SCAI: variants seen among roughly 807,000 people sequenced by gnomAD.
SCAI encodes suppressor of cancer cell invasion.
A neutral mutation model predicts 92.2 loss-of-function variants in SCAI; 24 were observed. The observed-to-expected ratio is 0.26, with a 90% CI of 0.19 to 0.37. SCAI has a LOEUF of 0.37. Among genes scored for constraint, SCAI ranks in the 10% least tolerant of loss-of-function variants. The probability of loss-of-function intolerance (pLI) is 1.00; values close to 1 mark genes in which losing one functional copy is unlikely to be tolerated. For missense variants in SCAI, 450 were observed against 736.2 expected (o/e 0.61, Z 4.50); for synonymous variants, 261 against 258.6 (o/e 1.01, Z -0.09).
intron 2 of SCAI, among the ~76,000 whole-genome samples, chr9:125,140,884 A>G (rs1169696959): frequency 6.6e-6 from 1 of 151,974 alleles, no homozygotes; most frequent in Admixed American, 6.6e-5. Context: ...TATTTACTCC[A>G]ATATACCTAA....
At chr9:124,981,565 G>C (rs558342287) in intron 14 of SCAI, among the ~76,000 whole-genome samples, 12 of 152,222 alleles carry the variant, frequency 7.9e-5, no homozygotes, top group African/African-American at 2.4e-4. Flanking sequence ...TTAAGAACAC[G>C]TGATGAGTGT....
At chr9:125,041,098 T>G (rs1833311103) in intron 3 of SCAI, among the ~76,000 whole-genome samples, 1 of 152,220 alleles carries the variant, frequency 6.6e-6, no homozygotes, top group Non-Finnish European at 1.5e-5. Flanking sequence ...CAAAATATTT[T>G]CCTACCTGAA....
At chr9:124,983,160 CT>C (rs1490529730) in intron 14 of SCAI, among the ~76,000 whole-genome samples, 5 of 111,600 alleles carry the variant, frequency 4.5e-5, no homozygotes, top group African/African-American at 6.9e-5. Context: ...AAACCTGTCT[CT>C]TAAAAAAAAA....
intron 17 of SCAI, among the ~76,000 whole-genome samples, chr9:124,955,636 A>T (rs1220751184): frequency 3.9e-5 from 6 of 152,110 alleles, no homozygotes; most frequent in African/African-American, 1.2e-4. Context: ...AAATTTTTTT[A>T]AATAAATAAA....
At chr9:125,139,213 G>A (rs1041952430) in intron 2 of SCAI, among the ~76,000 whole-genome samples, 6 of 152,168 alleles carry the variant, frequency 3.9e-5, no homozygotes, top group Non-Finnish European at 1.5e-5. Flanking sequence ...AGGAGTTCAC[G>A]ACCAGCCTGA....
intron 13 of SCAI, among the ~76,000 whole-genome samples, chr9:124,996,616 TTTTCA>T (rs1449179518): frequency 6.6e-6 from 1 of 151,668 alleles, no homozygotes; most frequent in Non-Finnish European, 1.5e-5. Flanking sequence ...CAATACAGTA[TTTTCA>T]TTTATTTTTT....
At chr9:125,022,695 G>A (rs1378142679) in intron 6 of SCAI, among the ~76,000 whole-genome samples, 1 of 152,144 alleles carries the variant, frequency 6.6e-6, no homozygotes, top group Non-Finnish European at 1.5e-5. Context: ...TGGGATAACA[G>A]GTGTGAGTCA....
At chr9:125,101,997 A>G (rs1279165808) in intron 2 of SCAI, among the ~76,000 whole-genome samples, 1 of 152,208 alleles carries the variant, frequency 6.6e-6, no homozygotes, top group Non-Finnish European at 1.5e-5. Context: ...GGTCTAGGGC[A>G]AAGTTCTCAA....
At chr9:125,039,411 AAAAAGAAAAAGAAAG>A (rs1333282490) in intron 3 of SCAI, among the ~76,000 whole-genome samples, 2 of 151,676 alleles carry the variant, frequency 1.3e-5, no homozygotes, top group Non-Finnish European at 2.9e-5. Flanking sequence ...AAAAGAAAAG[AAAAAGAAAAAGAAAG>A]AAATAGCAAT....
intron 9 of SCAI, among the ~76,000 whole-genome samples, chr9:125,017,374 C>A (rs1464146680): frequency 1.3e-5 from 2 of 151,458 alleles, no homozygotes; most frequent in Non-Finnish European, 2.9e-5. Context: ...AGAAAAATAC[C>A]GAGCCTTAAG....
Position 125,028,475 on chromosome 9 carries a change from T to G in SCAI, c.330A>C (p.Gln110His), listed in dbSNP as rs757124100. 6.4e-7 allele frequency: 1 copy of G among 1,566,718 alleles called. No homozygotes were observed. Among genetic ancestry groups the G allele is most frequent in the South Asian group, 1.2e-5 (1 of 83,608 alleles). Reference protein sequence around the residue: ...KLWKFQQQHRQVLDNRYGLKR... With the variant: ...KLWKFQQQHRHVLDNRYGLKR... ...TCAAGCCATACCGATTATCCAAGAC[T>G]TGTCTGTTTTATATAGGATACAAGA... Residue 110 changes from glutamine (Q) to histidine (H), a missense_variant, in exon 5 of 18, where the codon CAA becomes CAC. By Grantham distance (24) the Gln-to-His change is conservative. Around this residue, in one of 3 missense-constraint regions of SCAI, gnomAD observed 20 missense variants for 68.2 expected, o/e 0.29. Coordinates refer to ENST00000336505, the MANE Select transcript of SCAI (RefSeq NM_001144877.3).
chr9:125,045,917 T>C (rs1833424750), intron 3 of SCAI, among the ~76,000 whole-genome samples: 1 of 151,792 alleles, frequency 6.6e-6, no homozygotes, highest in African/African-American at 2.4e-5. Flanking sequence ...CTAACCACTA[T>C]TGAATGTGGT....
Position 124,984,686 on chromosome 9 carries a change from G to A in SCAI, c.1327-8500C>T, listed in dbSNP as rs148769040. Among the ~76,000 whole-genome samples the A allele has an allele frequency of 2.1e-3, 316 of 152,242 alleles. 1 individual carries two copies. Among genetic ancestry groups the A allele is most frequent in the African/African-American group, 5.4e-3 (224 of 41,546 alleles). ...GTATATGGAAGAGCCTAGGAATTCC[G>A]CCTTGGGCATGTTCAGTTTGCAAAC... On this transcript the variant is annotated intron_variant, in intron 14 of 17. Transcript: ENST00000336505.
chr9:125,007,648 T>C (rs997348008), intron 9 of SCAI, among the ~76,000 whole-genome samples: 3 of 151,556 alleles, frequency 2.0e-5, no homozygotes, highest in African/African-American at 7.3e-5. Flanking sequence ...AGATACTGTC[T>C]CTAAAAAGAA....
At chr9:125,134,382 T>C (rs1031794104) in intron 2 of SCAI, among the ~76,000 whole-genome samples, 2 of 152,222 alleles carry the variant, frequency 1.3e-5, no homozygotes, top group Non-Finnish European at 2.9e-5. Context: ...ACCTCACTCA[T>C]ATCTATATCC....
rs116644037 is a variant in SCAI at position 125,111,161 on chromosome 9, G to A, written c.98+31472C>T. On this transcript the variant is annotated intron_variant, in intron 2 of 17. Transcript: ENST00000336505. ...TTCAGCAATATGTTAAAAAAGGATCGTGACTAAGTTGGGTTTGTTCCAGAA... is the reference window on the plus strand; with the variant it reads ...TTCAGCAATATGTTAAAAAAGGATCATGACTAAGTTGGGTTTGTTCCAGAA... 2.6e-3 allele frequency among the ~76,000 whole-genome samples: 401 copies of A among 151,824 alleles called. 2 individuals are homozygous for A. Among genetic ancestry groups the A allele is most frequent in the African/African-American group, 9.1e-3 (376 of 41,350 alleles).
At chr9:125,036,204 C>A (rs1416478841) in intron 3 of SCAI, among the ~76,000 whole-genome samples, 1 of 151,696 alleles carries the variant, frequency 6.6e-6, no homozygotes, top group African/African-American at 2.4e-5. Flanking sequence ...AGAGTGGTAA[C>A]GTAAATTCAG....
chr9:125,132,824 G>T (rs1302440750), intron 2 of SCAI, among the ~76,000 whole-genome samples: 2 of 152,088 alleles, frequency 1.3e-5, no homozygotes, highest in Non-Finnish European at 1.5e-5. Context: ...AATTAGCCAG[G>T]CATGGTGGCA....
Position 125,076,201 on chromosome 9 carries a change from T to C in SCAI, c.99-20194A>G, listed in dbSNP as rs575226838. Among the ~76,000 whole-genome samples the C allele has an allele frequency of 5.9e-5, 9 of 152,112 alleles. No individual in the cohort carries two copies. In the South Asian group the frequency reaches 1.2e-3, roughly 21 times the overall value. On this transcript the variant is annotated intron_variant, in intron 2 of 17. Coordinates refer to ENST00000336505, the MANE Select transcript of SCAI (RefSeq NM_001144877.3). Reference sequence around the variant, plus strand: ...GCAGAACAACAATAAAAATAACTCATTGAAAGATACTTATGGGCCAGGCGT... The same window carrying C: ...GCAGAACAACAATAAAAATAACTCACTGAAAGATACTTATGGGCCAGGCGT...
Sources: gnomAD v4.1 joint callset for allele counts (sites outside exome capture counted in the v4.1 genomes callset) on GRCh38, gnomAD v4.1.1 for gene constraint, gnomAD v4.1.1 regional missense constraint, MANE v1.5 for transcripts, NCBI Gene and HGNC (gene_info 2026-07-23, HGNC 2026-07-21) for gene names.